Variants in PCDHGA4 observed in about 807,000 individuals in gnomAD.
PCDHGA4 encodes protocadherin gamma subfamily A, 4, also known as protocadherin gamma-A4.
Under a neutral mutation model 54.6 loss-of-function variants are expected in PCDHGA4, and 38 were observed. That is an observed-to-expected ratio of 0.70 (90% CI 0.54 to 0.91). The LOEUF (loss-of-function observed/expected upper bound fraction) is 0.91. PCDHGA4 is among the 40% of genes least tolerant of loss of function. The pLI, the probability that PCDHGA4 is intolerant of heterozygous loss-of-function variation, is 0.00. For missense variants in PCDHGA4, 1,298 were observed against 1,220.9 expected (o/e 1.06, Z -0.94); for synonymous variants, 511 against 512.9 (o/e 1.00, Z 0.05).
In PCDHGA4 at chr5:141,355,420, C is replaced by T; in HGVS notation, c.313C>T (p.Leu105Phe). 6.2e-7 allele frequency: 1 copy of T among 1,614,124 alleles called. No homozygotes were observed. Among genetic ancestry groups the T allele is most frequent in the Non-Finnish European group, 8.5e-7 (1 of 1,179,930 alleles). ...CATCGTCTCCAGAGGTAGGACGCAG[C>T]TTTTCGCCCTGAACCCGCGCAGCGG... Reference protein sequence around the residue: ...VRIVSRGRTQLFALNPRSGTL... With the variant: ...VRIVSRGRTQFFALNPRSGTL... Residue 105 changes from leucine (L) to phenylalanine (F), a missense_variant, in exon 1 of 4, where the codon CTT becomes TTT. Transcript: ENST00000571252.
intron 1 of PCDHGA4, chr5:141,409,447 AC>A (rs779658060): frequency 1.4e-4 from 222 of 1,613,890 alleles, no homozygotes; most frequent in Non-Finnish European, 1.8e-4. Context: ...GAGAGCAGAC[AC>A]CAGAATACAA....
chr5:141,413,217 C>A (rs762828191), intron 1 of PCDHGA4: 8 of 1,613,184 alleles, frequency 5.0e-6, no homozygotes, highest in African/African-American at 1.3e-5. Context: ...CAAAGGATTG[C>A]AGCGGGCTGG....
intron 1 of PCDHGA4, chr5:141,479,712 C>T (rs1488849933): frequency 6.6e-6 from 1 of 152,216 alleles, no homozygotes; most frequent in Non-Finnish European, 1.5e-5. Flanking sequence ...CCCTGTCCTT[C>T]CAGCCTTATT....
At position 141,431,374 on chromosome 5, in the gene PCDHGA4, G is replaced by T. The variant is rs1561851775; in HGVS notation, c.2515-63433G>T. On this transcript the variant is annotated intron_variant, in intron 1 of 3. Coordinates refer to ENST00000571252, the MANE Select transcript of PCDHGA4 (RefSeq NM_018917.4). The surrounding 1 kb of genome is among the most constrained non-coding windows in gnomAD (Gnocchi z 4.8). ...AACGCGCCCTGGACCGCGAAGAAAA[G>T]GCTGCTCACCACCTGGTCCTTACGG... 1.9e-6 allele frequency: 3 copies of T among 1,613,862 alleles called. No individual in the cohort carries two copies. Among genetic ancestry groups the T allele is most frequent in the Non-Finnish European group, 2.5e-6 (3 of 1,180,044 alleles).
intron 1 of PCDHGA4, chr5:141,370,475 GGCTCTCTCCGAACCGATCC>G: frequency 6.2e-7 from 1 of 1,613,676 alleles, no homozygotes; most frequent in Non-Finnish European, 8.5e-7. Flanking sequence ...TGTTAGACCA[GGCTCTCTCCGAACCGATCC>G]GCTACGCTAT....
intron 1 of PCDHGA4, among the ~76,000 whole-genome samples, chr5:141,472,400 G>A (rs2099279115): frequency 6.6e-6 from 1 of 152,024 alleles, no homozygotes; most frequent in East Asian, 1.9e-4. Flanking sequence ...AATTAGCCAG[G>A]CGTGGTGGCA....
In PCDHGA4 at chr5:141,489,077, C is replaced by CCCCCCACCGGG; in HGVS notation, c.2515-5730_2515-5729insCCCCCACCGGG. ...AGCTCCCCTCCCCCCTGCCCACCCCCGCCACTCGGTGACTAAGAACTGCTG... is the reference window on the plus strand; with the variant it reads ...AGCTCCCCTCCCCCCTGCCCACCCCCCCCCCACCGGGGCCACTCGGTGACTAAGAACTGCTG... On this transcript the variant is annotated intron_variant, in intron 1 of 3. Transcript: ENST00000571252. The surrounding 1 kb of genome is among the most constrained non-coding windows in gnomAD (Gnocchi z 4.5). 6.1e-6 allele frequency: 2 copies of CCCCCCACCGGG among 325,756 alleles called. No individual in the cohort carries two copies. Among genetic ancestry groups the CCCCCCACCGGG allele is most frequent in the Non-Finnish European group, 5.5e-6 (1 of 181,460 alleles). The allele number at this position is 325,756 out of a possible 1,614,324, so 20.2% of individuals were successfully genotyped here.
intron 1 of PCDHGA4, chr5:141,366,940 C>A: frequency 1.2e-6 from 1 of 819,898 alleles, no homozygotes; most frequent in Non-Finnish European, 1.8e-6. Context: ...GGAAGTCTAG[C>A]TGATATCTGT....
chr5:141,400,217 T>G, intron 1 of PCDHGA4: 1 of 1,614,034 alleles, frequency 6.2e-7, no homozygotes, highest in Non-Finnish European at 8.5e-7. Context: ...TTGATCTCAG[T>G]GCTCTTCCTC....
At position 141,485,227 on chromosome 5, in the gene PCDHGA4, G is replaced by C. The variant is rs2099609828; in HGVS notation, c.2515-9580G>C. 1 of 1,614,186 alleles carries C rather than the reference G, an allele frequency of 6.2e-7. No individual in the cohort carries two copies. Among genetic ancestry groups the C allele is most frequent in the Non-Finnish European group, 8.5e-7 (1 of 1,180,020 alleles). On this transcript the variant is annotated intron_variant, in intron 1 of 3. Transcript: ENST00000571252. The surrounding 1 kb of genome is among the most constrained non-coding windows in gnomAD (Gnocchi z 5.7). The stretch of plus-strand genomic sequence containing the variant: ...AAATCTGGCGGTGGGCTACCCTTTT[G>C]TTCCTCTTTTACCACCTGGGTTACG...
intron 1 of PCDHGA4, chr5:141,403,965 A>G: frequency 6.2e-7 from 1 of 1,613,864 alleles, no homozygotes; most frequent in Non-Finnish European, 8.5e-7. Flanking sequence ...ATTTCGGTGG[A>G]AGATGTAAAT....
intron 1 of PCDHGA4, among the ~76,000 whole-genome samples, chr5:141,451,391 T>C (rs928399948): frequency 6.6e-6 from 1 of 152,162 alleles, no homozygotes; most frequent in Non-Finnish European, 1.5e-5. Context: ...ACATAGTTAA[T>C]GGCAAAATTA....
At chr5:141,437,999 C>T (rs1230507077) in intron 1 of PCDHGA4, among the ~76,000 whole-genome samples, 1 of 152,062 alleles carries the variant, frequency 6.6e-6, no homozygotes, top group African/African-American at 2.4e-5. Flanking sequence ...CCTCAGCCTC[C>T]CAAATAGCTG....
chr5:141,500,680 T>C (rs999167635), intron 2 of PCDHGA4, among the ~76,000 whole-genome samples: 7 of 152,224 alleles, frequency 4.6e-5, no homozygotes, highest in Non-Finnish European at 7.3e-5. Context: ...AACAGAATTA[T>C]AGCTTTTTTC....
chr5:141,507,251 A>G (rs958917337), intron 3 of PCDHGA4: 3 of 152,400 alleles, frequency 2.0e-5, no homozygotes, highest in Non-Finnish European at 4.4e-5. Context: ...TGAATGTCAG[A>G]TAAACAGCAA....
rs188117490 is a variant in PCDHGA4 at position 141,507,256 on chromosome 5, C to G, written c.2662+1775C>G. 3 of 152,178 alleles carry G rather than the reference C, an allele frequency of 2.0e-5. No individual in the cohort carries two copies. In the East Asian group the frequency reaches 5.8e-4, roughly 29 times the overall value. The allele number at this position is 152,178 out of a possible 1,614,324, so 9.4% of individuals were successfully genotyped here. ...CAGTTACAGTTGAATGTCAGATAAA[C>G]AGCAAGTACTATTTCAGCATAAGTC... On this transcript the variant is annotated intron_variant, in intron 3 of 3. Coordinates refer to ENST00000571252, the MANE Select transcript of PCDHGA4 (RefSeq NM_018917.4).
In PCDHGA4 at chr5:141,356,606, C is replaced by T. The variant is rs536702796; in HGVS notation, c.1499C>T (p.Ala500Val). 6 of 1,614,182 alleles carry T rather than the reference C, an allele frequency of 3.7e-6. No individual in the cohort carries two copies. The Admixed American group carries it at 6.7e-5, about 18-fold the overall frequency. The change falls in exon 1 of 4, where the codon GCC (alanine) becomes GTC (valine). Residue 500 changes from alanine to valine, a missense_variant. Transcript: ENST00000571252. Reference protein sequence around the residue: ...AYIPENNPRGASILSMTAQDP... With the variant: ...AYIPENNPRGVSILSMTAQDP... ...ATTCCTGAAAACAACCCCAGAGGAG[C>T]CTCCATCTTATCTATGACTGCTCAA...
chr5:141,452,054 C>T (rs578157525), intron 1 of PCDHGA4, among the ~76,000 whole-genome samples: 2 of 152,078 alleles, frequency 1.3e-5, no homozygotes, highest in Admixed American at 1.3e-4. Flanking sequence ...TTTGTAATAA[C>T]TTATTCTACT....
At chr5:141,365,465 A>G in intron 1 of PCDHGA4, 1 of 1,614,024 alleles carries the variant, frequency 6.2e-7, no homozygotes, top group South Asian at 1.1e-5. Context: ...TTCTGGAGAA[A>G]ATGGTGAGAT....
Sources: gnomAD v4.1 joint callset for allele counts (sites outside exome capture counted in the v4.1 genomes callset) on GRCh38, gnomAD v4.1.1 for gene constraint, Gnocchi (gnomAD v3.1) non-coding constraint, MANE v1.5 for transcripts, NCBI Gene and HGNC (gene_info 2026-07-23, HGNC 2026-07-21) for gene names.